Variants in PDSS2 observed in about 807,000 individuals in gnomAD.
The protein encoded by PDSS2 is all trans-polyprenyl-diphosphate synthase PDSS2.
A neutral mutation model predicts 44.5 loss-of-function variants in PDSS2; 31 were observed. That is an observed-to-expected ratio of 0.70 (90% confidence interval 0.52 to 0.94). PDSS2 has a LOEUF of 0.94. Ranked by LOEUF, PDSS2 falls within the 40% of genes least tolerant of loss-of-function variation. PDSS2 has a pLI of 0.00. For missense variants in PDSS2, 452 were observed against 482.2 expected, an observed-to-expected ratio of 0.94 and a Z score of 0.59; for synonymous variants, 157 against 180.3, an observed-to-expected ratio of 0.87 and a Z score of 1.03.
At chr6:107,251,363 G>T (rs1774812608) in intron 3 of PDSS2, among the ~76,000 whole-genome samples, 1 of 152,130 alleles carries the variant, frequency 6.6e-6, no homozygotes, top group South Asian at 2.1e-4. Flanking sequence ...TTGTCCTCAG[G>T]TGATTTTAAT....
intron 1 of PDSS2, among the ~76,000 whole-genome samples, chr6:107,418,692 T>G (rs1349630974): frequency 6.6e-6 from 1 of 152,110 alleles, no homozygotes; most frequent in African/African-American, 2.4e-5. Flanking sequence ...GGAGAATCGC[T>G]TGAACCTGGG....
chr6:107,458,313 G>C (rs976107258), intron 1 of PDSS2, among the ~76,000 whole-genome samples: 10 of 144,868 alleles, frequency 6.9e-5, no homozygotes, highest in Admixed American at 5.7e-4. Context: ...GTGAAACCCC[G>C]TATCTACTAA....
chr6:107,273,098 C>T lies in PDSS2; in HGVS notation c.630+931G>A, dbSNP rs557106665. Among the ~76,000 whole-genome samples the T allele has an allele frequency of 4.4e-3, 668 of 152,196 alleles. 6 individuals carry two copies. The highest frequency in any genetic ancestry group is 0.015 in the African/African-American group (643 of 41,548). On this transcript the variant is annotated intron_variant, in intron 3 of 7. Coordinates refer to ENST00000369037, the MANE Select transcript of PDSS2 (RefSeq NM_020381.4). ...CTCCCGGGTTCAAGCGATTCTCCTG[C>T]CTCAGCTTCCCAAGTAGCTGGGATT... is the stretch of plus-strand genomic sequence containing the variant.
intron 1 of PDSS2, among the ~76,000 whole-genome samples, chr6:107,457,154 C>G (rs17583830): frequency 3.9e-5 from 6 of 152,180 alleles, no homozygotes; most frequent in Non-Finnish European, 8.8e-5. Flanking sequence ...AAGAAAATGA[C>G]AGGTGCCTCG....
At chr6:107,328,639 G>A (rs574962720) in intron 2 of PDSS2, among the ~76,000 whole-genome samples, 76 of 152,276 alleles carry the variant, frequency 5.0e-4, no homozygotes, top group African/African-American at 1.8e-3. Context: ...TGCTGATACA[G>A]AGAAACATTT....
chr6:107,239,710 C>T (rs1196535859), intron 4 of PDSS2, among the ~76,000 whole-genome samples: 4 of 118,556 alleles, frequency 3.4e-5, no homozygotes, highest in Non-Finnish European at 6.3e-5. Flanking sequence ...GGTATGATTT[C>T]GGCTCACTGC....
At chr6:107,274,665 CTCTTT>C (rs1276480998) in intron 2 of PDSS2, among the ~76,000 whole-genome samples, 307 of 135,002 alleles carry the variant, frequency 2.3e-3, no homozygotes, top group African/African-American at 7.6e-3. Context: ...TTATCTCTCT[CTCTTT>C]TTTTTTTTTT....
intron 7 of PDSS2, among the ~76,000 whole-genome samples, chr6:107,180,465 A>C (rs945697246): frequency 4.6e-5 from 7 of 152,234 alleles, no homozygotes; most frequent in African/African-American, 1.7e-4. Context: ...GGAATTAAAT[A>C]TTCCTTATGA....
chr6:107,197,920 A>G (rs1037197396), intron 6 of PDSS2: 1 of 459,814 alleles, frequency 2.2e-6, no homozygotes, highest in African/African-American at 2.0e-5. Flanking sequence ...ACCATGGAGA[A>G]ACTATGACTG....
intron 4 of PDSS2, among the ~76,000 whole-genome samples, chr6:107,240,233 C>G (rs1363368012): frequency 2.0e-5 from 3 of 151,922 alleles, no homozygotes; most frequent in Non-Finnish European, 2.9e-5. Context: ...TATGGTGAGA[C>G]CTTGTCTCTA....
At chr6:107,449,728 C>T (rs1485407611) in intron 1 of PDSS2, among the ~76,000 whole-genome samples, 3 of 152,114 alleles carry the variant, frequency 2.0e-5, no homozygotes, top group African/African-American at 7.2e-5. Context: ...TAGGAGCCAC[C>T]ATGTCTAGTT....
intron 2 of PDSS2, among the ~76,000 whole-genome samples, chr6:107,282,093 A>G (rs1775979974): frequency 6.6e-6 from 1 of 152,006 alleles, no homozygotes; most frequent in South Asian, 2.1e-4. Flanking sequence ...TTTAGTAGAG[A>G]TGGGGTTTCG....
rs553152103 is a variant in PDSS2 at position 107,437,438 on chromosome 6, T to C, written c.296+21552A>G. 8.0e-4 allele frequency among the ~76,000 whole-genome samples: 120 copies of C among 150,432 alleles called. 3 individuals carry two copies. In the South Asian group the frequency reaches 0.025, roughly 32 times the overall value. ...TACTCAGGAGGCTGAGGTACAAGAA[T>C]TGCTTGAGCCTGAGAGGCAGAGGCT... is the stretch of plus-strand genomic sequence containing the variant. On this transcript the variant is annotated intron_variant, in intron 1 of 7. Coordinates refer to ENST00000369037, the MANE Select transcript of PDSS2 (RefSeq NM_020381.4).
chr6:107,228,715 TAAATAAAC>T (rs149342226), intron 4 of PDSS2, among the ~76,000 whole-genome samples: 4,587 of 116,102 alleles, frequency 0.04, 100 homozygotes, highest in African/African-American at 0.077. Flanking sequence ...AATAAATAAA[TAAATAAAC>T]AAACAAACAA....
intron 2 of PDSS2, among the ~76,000 whole-genome samples, chr6:107,300,669 C>T (rs1008659244): frequency 1.3e-5 from 2 of 152,164 alleles, no homozygotes; most frequent in Admixed American, 6.5e-5. Context: ...GCATTTGAGC[C>T]GGATGGGTAA....
At chr6:107,251,314 GT>G (rs2114831818) in intron 3 of PDSS2, among the ~76,000 whole-genome samples, 1 of 152,314 alleles carries the variant, frequency 6.6e-6, no homozygotes, top group Admixed American at 6.5e-5. Flanking sequence ...TATAAAAACT[GT>G]GAAGGCCATT....
intron 1 of PDSS2, among the ~76,000 whole-genome samples, chr6:107,335,142 C>T (rs777581296): frequency 3.2e-4 from 41 of 129,168 alleles, no homozygotes; most frequent in Non-Finnish European, 4.5e-4. Context: ...GATGGGGAGA[C>T]GGATTGAGAC....
chr6:107,185,029 T>C (rs1485452981), intron 7 of PDSS2, among the ~76,000 whole-genome samples: 4 of 150,118 alleles, frequency 2.7e-5, no homozygotes, highest in Non-Finnish European at 4.4e-5. Flanking sequence ...TCGCAGCTAC[T>C]TGGGAGGTGG....
intron 1 of PDSS2, among the ~76,000 whole-genome samples, chr6:107,355,115 TAG>T (rs1171885316): frequency 6.6e-6 from 1 of 152,122 alleles, no homozygotes; most frequent in Non-Finnish European, 1.5e-5. Flanking sequence ...GTATTTTTAG[TAG>T]AGACAGGGTT....
Sources: gnomAD v4.1 joint callset for allele counts (sites outside exome capture counted in the v4.1 genomes callset) on GRCh38, gnomAD v4.1.1 for gene constraint, MANE v1.5 for transcripts, NCBI Gene and HGNC (gene_info 2026-07-23, HGNC 2026-07-21) for gene names.